The following LIFR variants were observed in gnomAD, a reference collection of about 807,000 sequenced individuals.
The protein encoded by LIFR is leukemia inhibitory factor receptor.
Under a neutral mutation model 122.2 loss-of-function variants are expected in LIFR, and 84 were observed. The observed-to-expected ratio is 0.69, with a 90% CI of 0.58 to 0.82. LIFR has a LOEUF of 0.82. Ranked by LOEUF, LIFR falls within the 40% of genes least tolerant of loss-of-function variation. The probability of loss-of-function intolerance (pLI) is 0.00; values close to 1 mark genes in which losing one functional copy is unlikely to be tolerated. For missense variants in LIFR, 1,294 were observed against 1,311.6 expected, an observed-to-expected ratio of 0.99 and a Z score of 0.21; for synonymous variants, 422 against 434.7, an observed-to-expected ratio of 0.97 and a Z score of 0.36.
Position 38,510,476 on chromosome 5 carries a change from T to C in LIFR, c.979A>G (p.Ile327Val). ...TTEDNIFGTV[I>V]FAGYPPDTPQ... Reference sequence around the variant, plus strand: ...ATCATATACTTACATCCAGCAAAAATAACGGTTCCAAATATGTTATCTTCG... The same window carrying C: ...ATCATATACTTACATCCAGCAAAAACAACGGTTCCAAATATGTTATCTTCG... Residue 327 changes from isoleucine (I) to valine (V), a missense_variant, in exon 7 of 20, where the codon ATT (isoleucine) becomes GTT (valine). Physicochemically the swap from Ile to Val is conservative, Grantham distance 29. Coordinates refer to ENST00000453190, the MANE Select transcript of LIFR (RefSeq NM_001127671.2). 6.2e-7 allele frequency: 1 copy of C among 1,604,846 alleles called. No homozygotes were observed. Among genetic ancestry groups the C allele is most frequent in the Non-Finnish European group, 8.5e-7 (1 of 1,173,996 alleles).
intron 13 of LIFR, 77 bp from the exon 14 acceptor site, chr5:38,493,862 G>T: frequency 8.3e-7 from 1 of 1,209,352 alleles, no homozygotes; most frequent in Non-Finnish European, 1.2e-6. Flanking sequence ...ATGGACATGA[G>T]TTAGAAAAAT....
chr5:38,553,191 C>T (rs1748298393), intron 1 of LIFR, among the ~76,000 whole-genome samples: 1 of 152,122 alleles, frequency 6.6e-6, no homozygotes, highest in Admixed American at 6.5e-5. Flanking sequence ...CTTCCCTCTG[C>T]CTAAGCCACT....
chr5:38,573,063 G>T (rs941787929), intron 1 of LIFR, among the ~76,000 whole-genome samples: 17 of 152,234 alleles, frequency 1.1e-4, no homozygotes, highest in African/African-American at 3.9e-4. Flanking sequence ...TAGTTCACTA[G>T]AAGGGAGCAA....
upstream of LIFR, chr5:38,558,771 C>T (rs1000257248): frequency 2.6e-5 from 4 of 152,102 alleles, no homozygotes; most frequent in Admixed American, 6.5e-5. Context: ...AACACAAAAC[C>T]GTCAGATCGC....
chr5:38,497,650 C>T (rs1034448611), intron 12 of LIFR, among the ~76,000 whole-genome samples: 5 of 151,938 alleles, frequency 3.3e-5, no homozygotes, highest in Non-Finnish European at 5.9e-5. Flanking sequence ...TCCCATATTC[C>T]CACCTCTTAA....
At chr5:38,527,061 A>G in intron 4 of LIFR, 94 bp downstream of exon 4, 1 of 1,130,342 alleles carries the variant, frequency 8.8e-7, no homozygotes, top group South Asian at 1.5e-5. Context: ...AAGTAATAGC[A>G]TAACACATGA....
intron 1 of LIFR, among the ~76,000 whole-genome samples, chr5:38,573,197 G>C (rs982100271): frequency 6.6e-6 from 1 of 152,358 alleles, no homozygotes; most frequent in South Asian, 2.1e-4. Flanking sequence ...TGTGTTGCTT[G>C]TCTGTGACTT....
chr5:38,493,600 T>A lies in LIFR; in HGVS notation c.2065+6A>T, dbSNP rs1744714078. 2 of 1,612,768 alleles carry A rather than the reference T, an allele frequency of 1.2e-6. No homozygotes were observed. The highest frequency in any genetic ancestry group is 8.5e-7 in the Non-Finnish European group (1 of 1,178,818). ...AACTTAATTGAGAGACACTAATTCA[T>A]CTTACCAGATTCTATTACAGTTTCA... On this transcript the variant is annotated splice_donor_region_variant and intron_variant, in intron 14 of 19. Transcript: ENST00000453190.
chr5:38,605,525 G>T (rs1314935693), intron 2 of LIFR, among the ~76,000 whole-genome samples: 1 of 152,140 alleles, frequency 6.6e-6, no homozygotes, highest in Non-Finnish European at 1.5e-5. Context: ...CTATTTAAGT[G>T]TGTGAAAGGA....
intron 1 of LIFR, among the ~76,000 whole-genome samples, chr5:38,547,153 T>C (rs1322515205): frequency 6.6e-6 from 1 of 152,162 alleles, no homozygotes; most frequent in African/African-American, 2.4e-5. Flanking sequence ...CAATGTGAGA[T>C]AGAAGTAATA....
chr5:38,532,518 G>A (rs375095259), intron 1 of LIFR, among the ~76,000 whole-genome samples: 1 of 152,154 alleles, frequency 6.6e-6, no homozygotes, highest in Non-Finnish European at 1.5e-5. Flanking sequence ...CAACAGCCAC[G>A]GATCAAAGAC....
intron 1 of LIFR, among the ~76,000 whole-genome samples, chr5:38,551,593 C>G (rs1425423801): frequency 6.6e-6 from 1 of 152,252 alleles, no homozygotes; most frequent in East Asian, 1.9e-4. Context: ...GAGCACCACA[C>G]ATACACTTTA....
chr5:38,545,376 G>C (rs1400687699), intron 1 of LIFR, among the ~76,000 whole-genome samples: 1 of 152,126 alleles, frequency 6.6e-6, no homozygotes, highest in Non-Finnish European at 1.5e-5. Flanking sequence ...ATGTGTGTGT[G>C]TGTATACACA....
intron 2 of LIFR, among the ~76,000 whole-genome samples, chr5:38,602,940 T>C (rs1315214742): frequency 6.6e-6 from 1 of 152,066 alleles, no homozygotes; most frequent in Non-Finnish European, 1.5e-5. Flanking sequence ...AGTATGACCT[T>C]CCAGGGGCAC....
intron 5 of LIFR, among the ~76,000 whole-genome samples, chr5:38,521,668 C>A (rs531034641): frequency 6.6e-6 from 1 of 152,220 alleles, no homozygotes; most frequent in Admixed American, 6.5e-5. Context: ...CCCTGGCCAG[C>A]AGGTGTGGTG....
At chr5:38,487,055 A>G (rs1744323750) in intron 16 of LIFR, among the ~76,000 whole-genome samples, 1 of 152,060 alleles carries the variant, frequency 6.6e-6, no homozygotes, top group African/African-American at 2.4e-5. Flanking sequence ...GTGGTCAAAC[A>G]CAACAAAATC....
chr5:38,484,165 A>T (rs1338399405), intron 18 of LIFR, among the ~76,000 whole-genome samples: 1 of 152,202 alleles, frequency 6.6e-6, no homozygotes, highest in Non-Finnish European at 1.5e-5. Flanking sequence ...GTGACGGGCC[A>T]TGGCCGACCA....
At chr5:38,574,473 A>G (rs1052488149) in intron 1 of LIFR, among the ~76,000 whole-genome samples, 2 of 152,200 alleles carry the variant, frequency 1.3e-5, no homozygotes, top group East Asian at 3.9e-4. Flanking sequence ...GAGGACAAGG[A>G]CACTTTTTTG....
rs1744444106 is a variant in LIFR, at chr5:38,489,217, A to G, written c.2196T>C (p.Val732=). 3 of 1,613,198 alleles carry G rather than the reference A, an allele frequency of 1.9e-6. No individual in the cohort carries two copies. The highest frequency in any genetic ancestry group is 2.5e-6 in the Non-Finnish European group (3 of 1,179,680). ...LAPIVAPNFT[V]EDTSADSILV... is the part of the protein sequence containing the mutation. ...ATATCGAATCTGCAGAAGTATCCTC[A>G]ACAGTAAAATTTGGTGCAACAATGG... The change falls in exon 16 of 20, where the codon GTT becomes GTC. Residue 732 remains valine, a synonymous_variant. Transcript: ENST00000453190.
Sources: gnomAD v4.1 joint callset for allele counts (sites outside exome capture counted in the v4.1 genomes callset) on GRCh38, gnomAD v4.1.1 for gene constraint, MANE v1.5 for transcripts, NCBI Gene and HGNC (gene_info 2026-07-23, HGNC 2026-07-21) for gene names.